The following FUT8 variants were observed in gnomAD, a reference collection of about 807,000 sequenced individuals.
The protein encoded by FUT8 is alpha-(1,6)-fucosyltransferase.
Under a neutral mutation model 71.3 loss-of-function variants are expected in FUT8, and 29 were observed. The observed-to-expected ratio is 0.41, with a 90% CI of 0.30 to 0.55. The LOEUF (loss-of-function observed/expected upper bound fraction) is 0.55, where lower values mean the gene tolerates loss of function less well. Ranked by LOEUF, FUT8 falls within the 20% of genes least tolerant of loss-of-function variation. FUT8 has a pLI of 0.34. For synonymous variants in FUT8, 254 were observed against 239.3 expected, an observed-to-expected ratio of 1.06 and a Z score of -0.57; for missense variants, 544 against 702.1, an observed-to-expected ratio of 0.77 and a Z score of 2.55.
chr14:65,438,513 T>C (rs111428241), intron 1 of FUT8, among the ~76,000 whole-genome samples: 3,872 of 152,304 alleles, frequency 0.025, 71 homozygotes, highest in Non-Finnish European at 0.041. Flanking sequence ...ACTTAGATCA[T>C]GAGGATAGGG....
chr14:65,733,170 C>T, intron 9 of FUT8, 61 bp from the exon 10 acceptor site: 1 of 1,040,960 alleles, frequency 9.6e-7, no homozygotes, highest in Non-Finnish European at 1.4e-6. Context: ...AGGAGAAAGT[C>T]TGCCTTCTGA....
At chr14:65,589,024 A>G (rs1887541220) in intron 3 of FUT8, among the ~76,000 whole-genome samples, 1 of 151,860 alleles carries the variant, frequency 6.6e-6, no homozygotes, top group Admixed American at 6.6e-5. Context: ...GTCGCTCTCA[A>G]TCTCTTTTAC....
intron 9 of FUT8, among the ~76,000 whole-genome samples, chr14:65,731,968 C>T (rs1896004119): frequency 6.6e-6 from 1 of 152,272 alleles, no homozygotes; most frequent in Middle Eastern, 3.4e-3. Context: ...TTATCAGTTC[C>T]CCCCTTTCTT....
At chr14:65,634,307 C>G (rs375318111) in intron 6 of FUT8, among the ~76,000 whole-genome samples, 63 of 152,146 alleles carry the variant, frequency 4.1e-4, no homozygotes, top group African/African-American at 1.3e-3. Context: ...GTCCACTCAG[C>G]GTTAAATGGA....
intron 6 of FUT8, among the ~76,000 whole-genome samples, chr14:65,630,466 T>C (rs1196305036): frequency 2.0e-5 from 3 of 152,228 alleles, no homozygotes; most frequent in Admixed American, 6.5e-5. Flanking sequence ...AGTCACAACC[T>C]GCTTTTGAAA....
chr14:65,573,928 C>G (rs1389891344), intron 3 of FUT8, among the ~76,000 whole-genome samples: 1 of 152,150 alleles, frequency 6.6e-6, no homozygotes, highest in African/African-American at 2.4e-5. Flanking sequence ...ACAACACAAA[C>G]TTACTATCAC....
chr14:65,636,432 C>T (rs887981639), intron 6 of FUT8: 3 of 151,864 alleles, frequency 2.0e-5, no homozygotes, highest in African/African-American at 7.3e-5. Context: ...GAGGTGTGAC[C>T]TCAGAATGTC....
At chr14:65,620,232 T>C (rs1889530527) in intron 5 of FUT8, among the ~76,000 whole-genome samples, 1 of 152,206 alleles carries the variant, frequency 6.6e-6, no homozygotes, top group African/African-American at 2.4e-5. Flanking sequence ...AAAACTAAAG[T>C]ACAGGAGATG....
At chr14:65,456,169 C>G (rs907682133) in intron 2 of FUT8, among the ~76,000 whole-genome samples, 1 of 152,152 alleles carries the variant, frequency 6.6e-6, no homozygotes, top group Non-Finnish European at 1.5e-5. Flanking sequence ...TTAATTTTGA[C>G]AAATATATAT....
At chr14:65,478,610 C>A (rs1277659264) in intron 2 of FUT8, among the ~76,000 whole-genome samples, 1 of 152,092 alleles carries the variant, frequency 6.6e-6, no homozygotes, top group African/African-American at 2.4e-5. Flanking sequence ...AGTTGGGAGG[C>A]TACTAGGCTG....
Position 65,557,820 on chromosome 14 carries a change from T to C in FUT8, c.-227-3517T>C, listed in dbSNP as rs561879476. On this transcript the variant is annotated intron_variant, in intron 2 of 10. Transcript: ENST00000673929. ...GAGAAGAAATCTCAACAAACACTGC[T>C]ATATAAATTTTAGTCAGAAATTAGC... is the stretch of plus-strand genomic sequence containing the variant. 3.9e-5 allele frequency among the ~76,000 whole-genome samples: 6 copies of C among 152,262 alleles called. No homozygotes were observed. In the East Asian group the frequency reaches 7.7e-4, roughly 20 times the overall value.
intron 1 of FUT8, among the ~76,000 whole-genome samples, chr14:65,447,808 T>TA (rs1464190813): frequency 2.0e-5 from 3 of 152,174 alleles, no homozygotes; most frequent in African/African-American, 7.2e-5. Context: ...CATCTAGGGA[T>TA]AATGATATGT....
Position 65,724,315 on chromosome 14 carries a change from A to G in FUT8, c.1251A>G (p.Ala417=). Residue 417 remains alanine, a synonymous_variant, in exon 9 of 11, where the codon GCA becomes GCG. Coordinates refer to ENST00000673929, the MANE Select transcript of FUT8 (RefSeq NM_001371533.1). The part of the protein sequence containing the change: ...ATDDPSLLKE[A]KTKYPNYEFI... The stretch of plus-strand genomic sequence containing the variant: ...ATGACCCTTCTTTATTAAAGGAGGC[A>G]AAAACAAAGTAAGTTAGACCAACTA... The G allele has an allele frequency of 1.2e-6, 2 of 1,601,354 alleles. No individual in the cohort carries two copies. Among genetic ancestry groups the G allele is most frequent in the African/African-American group, 1.3e-5 (1 of 74,656 alleles).
chr14:65,715,214 CTATGTATATGGCTTTTAT>C (rs1894994077), intron 7 of FUT8, among the ~76,000 whole-genome samples: 1 of 152,158 alleles, frequency 6.6e-6, no homozygotes, highest in Non-Finnish European at 1.5e-5. Flanking sequence ...AGCTGTGGAT[CTATGTATATGGCTTTTAT>C]TATGTTGAGA....
At chr14:65,563,039 GC>G (rs1356016078) in intron 3 of FUT8, among the ~76,000 whole-genome samples, 1 of 151,898 alleles carries the variant, frequency 6.6e-6, no homozygotes, top group Non-Finnish European at 1.5e-5. Flanking sequence ...GAAAGACAAT[GC>G]TACGTGTTAA....
the FUT8 span, among the ~76,000 whole-genome samples, chr14:65,403,924 T>A: frequency 6.6e-6 from 1 of 152,020 alleles, no homozygotes; most frequent in African/African-American, 2.4e-5. Context: ...TGAGATGGAG[T>A]TTTGCTCTTC....
intron 7 of FUT8, among the ~76,000 whole-genome samples, chr14:65,670,388 A>G (rs1260139359): frequency 6.6e-6 from 1 of 152,188 alleles, no homozygotes; most frequent in African/African-American, 2.4e-5. Context: ...GAAATAATAT[A>G]TGTAATGCAC....
chr14:65,742,167 C>T lies in FUT8; in HGVS notation c.1485C>T (p.Asp495=), dbSNP rs767977951. Residue 495 remains aspartate, a synonymous_variant, in exon 11 of 11, where the codon GAC becomes GAT. Transcript: ENST00000673929. The stretch of plus-strand genomic sequence containing the variant: ...CTGCAAACTTCCATTCTTTAGATGA[C>T]ATCTACTATTTTGGGGGCCAGAATG... The part of the protein sequence containing the change: ...DASANFHSLD[D]IYYFGGQNAH... 10 of 1,612,966 alleles carry T rather than the reference C, an allele frequency of 6.2e-6. No homozygotes were observed. The highest frequency in any genetic ancestry group is 8.5e-6 in the Non-Finnish European group (10 of 1,179,362).
At chr14:65,403,419 G>A in the FUT8 span, among the ~76,000 whole-genome samples, 1 of 152,164 alleles carries the variant, frequency 6.6e-6, no homozygotes, top group Non-Finnish European at 1.5e-5. Flanking sequence ...AGAAGATCCT[G>A]ACTAACCAGA....
Sources: gnomAD v4.1 joint callset for allele counts (sites outside exome capture counted in the v4.1 genomes callset) on GRCh38, gnomAD v4.1.1 for gene constraint, MANE v1.5 for transcripts, NCBI Gene and HGNC (gene_info 2026-07-23, HGNC 2026-07-21) for gene names.